Variants in PTK2 observed in about 807,000 individuals in gnomAD.
PTK2 encodes the protein focal adhesion kinase 1.
PTK2 carries 45 observed loss-of-function variants against 150.1 expected under a neutral mutation model. The ratio of observed to expected loss-of-function variants is 0.30; its 90% CI spans 0.24 to 0.38. The LOEUF is 0.38. PTK2 is among the 10% of genes least tolerant of loss of function. The pLI, the probability that PTK2 is intolerant of heterozygous loss-of-function variation, is 1.00. For missense variants in PTK2, 919 were observed against 1,307.3 expected, an observed-to-expected ratio of 0.70 and a Z score of 4.58; for synonymous variants, 432 against 449.2, an observed-to-expected ratio of 0.96 and a Z score of 0.48.
intron 26 of PTK2, among the ~76,000 whole-genome samples, chr8:140,700,597 C>A (rs942314290): frequency 1.3e-5 from 2 of 151,780 alleles, no homozygotes; most frequent in African/African-American, 4.8e-5. Flanking sequence ...GATTCTCCTG[C>A]CTCAGCCTCC....
intron 26 of PTK2, among the ~76,000 whole-genome samples, chr8:140,690,836 T>C (rs997583401): frequency 2.0e-5 from 3 of 152,176 alleles, no homozygotes; most frequent in Non-Finnish European, 2.9e-5. Flanking sequence ...CATCATAAAA[T>C]AGACAATGGT....
intron 14 of PTK2, among the ~76,000 whole-genome samples, chr8:140,782,899 A>T (rs757670324): frequency 5.1e-4 from 77 of 152,264 alleles, no homozygotes; most frequent in Middle Eastern, 3.4e-3. Flanking sequence ...AAACTCTTTC[A>T]AAGTATTATT....
intron 4 of PTK2, among the ~76,000 whole-genome samples, chr8:140,865,094 T>C (rs1253001791): frequency 6.6e-6 from 1 of 152,228 alleles, no homozygotes; most frequent in Non-Finnish European, 1.5e-5. Context: ...AACTTTTTTG[T>C]TTTACTCACT....
intron 14 of PTK2, among the ~76,000 whole-genome samples, chr8:140,782,522 G>A (rs530029929): frequency 1.3e-5 from 2 of 152,236 alleles, no homozygotes; most frequent in African/African-American, 2.4e-5. Context: ...ACAGGCGTGA[G>A]GCACTGTGCC....
At chr8:140,664,975 G>A (rs771958783) in exon 31 of PTK2, 3 of 1,613,754 alleles carry the variant, frequency 1.9e-6, no homozygotes, top group Admixed American at 1.7e-5. Context: ...GGCCAATAAT[G>A]TCCTCAGGGC....
At chr8:140,743,560 T>G (rs760878726) in intron 19 of PTK2, among the ~76,000 whole-genome samples, 6 of 152,074 alleles carry the variant, frequency 3.9e-5, no homozygotes, top group Non-Finnish European at 5.9e-5. Context: ...AATACAATGA[T>G]TATTCTGAAT....
chr8:140,950,661 C>T (rs1362560500), intron 1 of PTK2, among the ~76,000 whole-genome samples: 11 of 152,362 alleles, frequency 7.2e-5, no homozygotes, highest in Admixed American at 7.2e-4. Flanking sequence ...AAGGTGCCAC[C>T]AGCCACCGTG....
rs143569828 is a variant in PTK2 at position 140,727,298 on chromosome 8, G to A, written c.2030+7953C>T. Among the ~76,000 whole-genome samples, 685 of 152,212 alleles carry A rather than the reference G, an allele frequency of 4.5e-3. 4 individuals are homozygous for A. Among genetic ancestry groups the A allele is most frequent in the African/African-American group, 0.016 (646 of 41,524 alleles). On this transcript the variant is annotated intron_variant, in intron 22 of 31. Transcript: ENST00000522684. ...ATAATTTTCAGTAGAAACAATTTAC[G>A]TTTTACATTAAATTCCTATTAAATT... is the stretch of plus-strand genomic sequence containing the variant.
intron 5 of PTK2, among the ~76,000 whole-genome samples, chr8:140,853,696 C>T (rs1300529068): frequency 3.3e-5 from 5 of 152,054 alleles, no homozygotes; most frequent in Non-Finnish European, 7.4e-5. Flanking sequence ...GAGTGCTTCT[C>T]CTTCAATTAT....
chr8:140,962,005 G>T (rs2100183353), intron 1 of PTK2, among the ~76,000 whole-genome samples: 1 of 152,028 alleles, frequency 6.6e-6, no homozygotes, highest in African/African-American at 2.4e-5. Context: ...TGTAATCCCA[G>T]GCAGAGACAG....
intron 14 of PTK2, 114 bp downstream of exon 14, chr8:140,789,360 A>C: frequency 1.0e-6 from 1 of 969,432 alleles, no homozygotes; most frequent in Non-Finnish European, 1.5e-6. Context: ...GATAGCCAGA[A>C]TGCTTATTTT....
At chr8:140,973,169 T>G (rs945029420) in intron 1 of PTK2, among the ~76,000 whole-genome samples, 3 of 152,252 alleles carry the variant, frequency 2.0e-5, no homozygotes, top group African/African-American at 7.2e-5. Context: ...CTAGGGCTTA[T>G]GCAGTAAAGG....
chr8:140,767,821 T>C (rs930696538), intron 14 of PTK2, among the ~76,000 whole-genome samples: 3 of 152,164 alleles, frequency 2.0e-5, no homozygotes, highest in Non-Finnish European at 2.9e-5. Flanking sequence ...TTTTCTTTCC[T>C]GGTTTTTAGG....
rs1487590340 is a variant in PTK2, at chr8:141,001,102, CGCGCCCG to C, written c.-122+16_-122+22del. The C allele has an allele frequency of 6.6e-6, 1 of 151,570 alleles. No individual in the cohort carries two copies. The highest frequency in any genetic ancestry group is 1.5e-5 in the Non-Finnish European group (1 of 67,784). 9.4% of individuals were successfully genotyped at this position (151,570 alleles called of 1,614,324 possible). A position where few individuals can be genotyped will look rare whatever the true frequency, so the allele number is the denominator to read the frequency against. ...CCCGCCCAGCCCCCGACCCGCGCCCCGCGCCCGGCGCCCCGCACTCACTCGGACCGCG... is the reference window on the plus strand; with the variant it reads ...CCCGCCCAGCCCCCGACCCGCGCCCCGCGCCCCGCACTCACTCGGACCGCG... On this transcript the variant is annotated intron_variant, in intron 1 of 31. Coordinates refer to ENST00000522684, the Ensembl canonical transcript of PTK2.
In PTK2 at chr8:140,875,471, T is replaced by C. The variant is rs142056320; in HGVS notation, c.362+4000A>G. ...ATCAAAAGGACTGATGTCACCAGAG[T>C]GGAGGAGGAAGAGGAAGAGCAGAAG... On this transcript the variant is annotated intron_variant, in intron 4 of 31. Transcript: ENST00000522684. 9.2e-5 allele frequency among the ~76,000 whole-genome samples: 14 copies of C among 151,532 alleles called. No homozygotes were observed. The East Asian group carries it at 2.5e-3, about 27-fold the overall frequency.
chr8:140,805,855 A>T (rs1178884113), intron 10 of PTK2, among the ~76,000 whole-genome samples: 1 of 152,202 alleles, frequency 6.6e-6, no homozygotes, highest in East Asian at 1.9e-4. Flanking sequence ...TCCTCTGCTT[A>T]AAAAGGTACA....
At chr8:140,675,062 T>C (rs1314904935) in intron 28 of PTK2, among the ~76,000 whole-genome samples, 2 of 114,622 alleles carry the variant, frequency 1.7e-5, no homozygotes, top group East Asian at 2.3e-4. Flanking sequence ...TGAGACTCTG[T>C]ATCCAAAAAA....
chr8:140,677,353 A>G (rs539453282), intron 27 of PTK2, among the ~76,000 whole-genome samples: 1 of 152,352 alleles, frequency 6.6e-6, no homozygotes, highest in South Asian at 2.1e-4. Flanking sequence ...GCCAAGCCAG[A>G]GAAGCCAAAC....
chr8:140,965,612 C>A (rs1027415674), intron 1 of PTK2, among the ~76,000 whole-genome samples: 1 of 152,230 alleles, frequency 6.6e-6, no homozygotes, highest in African/African-American at 2.4e-5. Flanking sequence ...CGTGGTGGCT[C>A]ACGCCTGTAA....
Sources: gnomAD v4.1 joint callset for allele counts (sites outside exome capture counted in the v4.1 genomes callset) on GRCh38, gnomAD v4.1.1 for gene constraint, MANE v1.5 for transcripts, NCBI Gene and HGNC (gene_info 2026-07-23, HGNC 2026-07-21) for gene names.